PLCB1: variants seen among roughly 807,000 people sequenced by gnomAD.
The protein encoded by PLCB1 is 1-phosphatidylinositol 4,5-bisphosphate phosphodiesterase beta-1.
In PLCB1, 46 loss-of-function variants were observed where a neutral mutation model predicts 161.8. The observed-to-expected ratio is 0.28, with a 90% confidence interval of 0.22 to 0.36. The LOEUF (loss-of-function observed/expected upper bound fraction) is 0.36. PLCB1 is among the 10% of genes least tolerant of loss of function. PLCB1 has a pLI of 1.00. For missense variants in PLCB1, 1,016 were observed against 1,472.5 expected (o/e 0.69, Z 5.07); for synonymous variants, 517 against 503.7 (o/e 1.03, Z -0.35).
chr20:8,372,649 G>A (rs1986941767), intron 3 of PLCB1, among the ~76,000 whole-genome samples: 1 of 152,044 alleles, frequency 6.6e-6, no homozygotes, highest in African/African-American at 2.4e-5. Flanking sequence ...TCTCAGTTTT[G>A]TATCAGACTT....
intron 3 of PLCB1, among the ~76,000 whole-genome samples, chr20:8,495,686 C>A (rs548947391): frequency 1.3e-5 from 2 of 152,022 alleles, no homozygotes. Context: ...CGTGAGCCAC[C>A]GCGCCTGGCC....
At chr20:8,241,568 C>T (rs530175110) in intron 2 of PLCB1, among the ~76,000 whole-genome samples, 4 of 151,790 alleles carry the variant, frequency 2.6e-5, no homozygotes, top group East Asian at 2.0e-4. Context: ...AATTAGGCAC[C>T]GAGTAGAGGC....
intron 2 of PLCB1, among the ~76,000 whole-genome samples, chr20:8,361,698 A>C (rs1229138399): frequency 6.6e-6 from 1 of 152,210 alleles, no homozygotes; most frequent in Non-Finnish European, 1.5e-5. Context: ...TTGCACTGCC[A>C]GTTAAAAAAA....
intron 2 of PLCB1, among the ~76,000 whole-genome samples, chr20:8,228,468 C>A (rs954878581): frequency 5.3e-5 from 8 of 152,106 alleles, no homozygotes; most frequent in Non-Finnish European, 2.9e-5. Flanking sequence ...ATCCCCACCC[C>A]CGCATTTGTC....
At chr20:8,367,561 A>C (rs2122326103) in intron 2 of PLCB1, among the ~76,000 whole-genome samples, 1 of 152,322 alleles carries the variant, frequency 6.6e-6, no homozygotes, top group South Asian at 2.1e-4. Flanking sequence ...TTATTGACTA[A>C]ATACATGAAT....
At chr20:8,663,705 A>T (rs1989742302) in intron 9 of PLCB1, among the ~76,000 whole-genome samples, 1 of 152,126 alleles carries the variant, frequency 6.6e-6, no homozygotes, top group Admixed American at 6.6e-5. Context: ...TTCTCCTGGG[A>T]GTGTGGTTTA....
intron 26 of PLCB1, among the ~76,000 whole-genome samples, chr20:8,768,027 A>C (rs1251196240): frequency 6.6e-6 from 1 of 151,938 alleles, no homozygotes; most frequent in African/African-American, 2.4e-5. Context: ...AAAATTAGCC[A>C]GGCATGGTGG....
At chr20:8,169,826 G>A (rs2051716186) in intron 2 of PLCB1, among the ~76,000 whole-genome samples, 1 of 152,170 alleles carries the variant, frequency 6.6e-6, no homozygotes, top group Non-Finnish European at 1.5e-5. Context: ...GGAATGGAAG[G>A]CTGAAGGGGA....
chr20:8,645,733 T>C (rs1252207618), intron 4 of PLCB1, among the ~76,000 whole-genome samples: 1 of 152,244 alleles, frequency 6.6e-6, no homozygotes, highest in Non-Finnish European at 1.5e-5. Context: ...TGTTTGCATG[T>C]TCTGCTGGAA....
chr20:8,264,759 C>G (rs931665833), intron 2 of PLCB1, among the ~76,000 whole-genome samples: 1 of 152,078 alleles, frequency 6.6e-6, no homozygotes, highest in African/African-American at 2.4e-5. Flanking sequence ...ATGTTCATCT[C>G]TTATGCCTGA....
At chr20:8,834,141 G>A (rs1986160227) in intron 31 of PLCB1, among the ~76,000 whole-genome samples, 1 of 152,110 alleles carries the variant, frequency 6.6e-6, no homozygotes, top group Non-Finnish European at 1.5e-5. Context: ...AGAAGCCTGG[G>A]GAAGTGAGGG....
chr20:8,840,634 GA>G (rs1394848430), intron 31 of PLCB1, among the ~76,000 whole-genome samples: 5 of 152,032 alleles, frequency 3.3e-5, no homozygotes, highest in Non-Finnish European at 5.9e-5. Context: ...TTTCCTTTTG[GA>G]GGCAATATCT....
At chr20:8,300,585 C>T (rs1983862330) in intron 2 of PLCB1, among the ~76,000 whole-genome samples, 1 of 151,988 alleles carries the variant, frequency 6.6e-6, no homozygotes. Context: ...TACATGTGCA[C>T]AATGTGCAGG....
intron 11 of PLCB1, among the ~76,000 whole-genome samples, chr20:8,699,308 G>T (rs560402409): frequency 6.2e-4 from 94 of 152,316 alleles, no homozygotes; most frequent in Middle Eastern, 3.4e-3. Flanking sequence ...GAACATGGGA[G>T]ATCAGAGTAC....
rs587780418 is a variant in PLCB1, at chr20:8,132,672, A to C, written c.21A>C (p.Gly7=). Residue 7 remains glycine, a synonymous_variant, in exon 1 of 32, where the codon GGA becomes GGC. Coordinates refer to ENST00000338037, the MANE Select transcript of PLCB1 (RefSeq NM_015192.4). This position sits in a 1 kb window ranked among gnomAD's most constrained non-coding sequence, Gnocchi z 5.2. The part of the protein sequence containing the change: MAGAQP[G]VHALQLKPVC... ...CCCAGATGGCCGGGGCTCAACCCGG[A>C]GTGCACGCCTTGCAACTCAAGCCCG... The C allele has an allele frequency of 1.2e-6, 2 of 1,612,090 alleles. No individual in the cohort carries two copies. The highest frequency in any genetic ancestry group is 2.2e-5 in the South Asian group (2 of 90,902).
intron 7 of PLCB1, chr20:8,649,729 A>G (rs1989259052): frequency 4.5e-6 from 2 of 444,416 alleles, no homozygotes; most frequent in South Asian, 3.6e-5. Flanking sequence ...TAGCAAGAAG[A>G]CTTTTGCCAG....
At chr20:8,260,148 A>G (rs2123240225) in intron 2 of PLCB1, among the ~76,000 whole-genome samples, 1 of 149,004 alleles carries the variant, frequency 6.7e-6, no homozygotes, top group Non-Finnish European at 1.5e-5. Context: ...TTTTGAGATC[A>G]TAGCTCACTG....
At chr20:8,648,082 C>G (rs1989214843) in intron 6 of PLCB1, 129 bp downstream of exon 6, 1 of 612,426 alleles carries the variant, frequency 1.6e-6, no homozygotes. Context: ...CCCTGTCCTC[C>G]CTCACACATG....
intron 4 of PLCB1, among the ~76,000 whole-genome samples, chr20:8,630,189 C>T (rs984032873): frequency 6.6e-6 from 1 of 151,192 alleles, no homozygotes; most frequent in Non-Finnish European, 1.5e-5. Context: ...TGGGTTCAAG[C>T]CATTCTCCTG....
Sources: gnomAD v4.1 joint callset for allele counts (sites outside exome capture counted in the v4.1 genomes callset) on GRCh38, gnomAD v4.1.1 for gene constraint, Gnocchi (gnomAD v3.1) non-coding constraint, MANE v1.5 for transcripts, NCBI Gene and HGNC (gene_info 2026-07-23, HGNC 2026-07-21) for gene names.